Variants in PLCXD3 observed in about 807,000 individuals in gnomAD.
PLCXD3 encodes phosphatidylinositol specific phospholipase C X domain containing 3.
A neutral mutation model predicts 25.5 loss-of-function variants in PLCXD3; 19 were observed. The observed-to-expected ratio is 0.75, with a 90% CI of 0.52 to 1.09. The LOEUF is 1.09. Ranked by LOEUF, PLCXD3 falls within the 50% of genes least tolerant of loss-of-function variation. The pLI is 0.00. For synonymous variants in PLCXD3, 174 were observed against 137.6 expected, an observed-to-expected ratio of 1.26 and a Z score of -1.85; for missense variants, 411 against 388.1, an observed-to-expected ratio of 1.06 and a Z score of -0.50.
At chr5:41,491,804 C>T (rs971667695) in intron 1 of PLCXD3, among the ~76,000 whole-genome samples, 1 of 152,046 alleles carries the variant, frequency 6.6e-6, no homozygotes, top group Non-Finnish European at 1.5e-5. Flanking sequence ...TTCCTTCATC[C>T]TTTTATTTTG....
chr5:41,436,754 G>A (rs1169227998), intron 1 of PLCXD3, among the ~76,000 whole-genome samples: 1 of 151,962 alleles, frequency 6.6e-6, no homozygotes, highest in Admixed American at 6.6e-5. Context: ...TACATCTATG[G>A]GCTACTGGAC....
intron 1 of PLCXD3, among the ~76,000 whole-genome samples, chr5:41,405,335 C>G (rs956354908): frequency 1.3e-5 from 2 of 152,102 alleles, no homozygotes; most frequent in African/African-American, 4.8e-5. Context: ...TTATCTTAGT[C>G]TCTTCTGTAA....
chr5:41,325,741 T>G (rs1743606942), intron 2 of PLCXD3, among the ~76,000 whole-genome samples: 1 of 152,158 alleles, frequency 6.6e-6, no homozygotes, highest in Non-Finnish European at 1.5e-5. Context: ...ATGTAACAAT[T>G]TTTATGGTAT....
intron 1 of PLCXD3, among the ~76,000 whole-genome samples, chr5:41,434,093 A>T (rs1747179018): frequency 1.3e-5 from 2 of 152,206 alleles, no homozygotes; most frequent in Admixed American, 6.5e-5. Context: ...AAATGCCCAC[A>T]CAGCTGCTGA....
intron 1 of PLCXD3, among the ~76,000 whole-genome samples, chr5:41,397,795 G>A (rs376499945): frequency 5.1e-4 from 78 of 152,286 alleles, no homozygotes; most frequent in African/African-American, 1.7e-3. Context: ...GCATCAGTGC[G>A]GCCTGAATGT....
At chr5:41,493,667 G>A (rs1313409316) in intron 1 of PLCXD3, among the ~76,000 whole-genome samples, 5 of 152,190 alleles carry the variant, frequency 3.3e-5, no homozygotes, top group South Asian at 2.1e-4. Flanking sequence ...CCTAGCTGCC[G>A]CCTTGCAGTT....
chr5:41,407,469 A>T (rs1746385952), intron 1 of PLCXD3, among the ~76,000 whole-genome samples: 1 of 152,206 alleles, frequency 6.6e-6, no homozygotes, highest in South Asian at 2.1e-4. Context: ...GTGTTGATTA[A>T]ACTTATCAGT....
At chr5:41,331,207 A>C (rs2150474399) in intron 2 of PLCXD3, among the ~76,000 whole-genome samples, 1 of 152,314 alleles carries the variant, frequency 6.6e-6, no homozygotes, top group Admixed American at 6.5e-5. Flanking sequence ...CCATTGTCTC[A>C]GCCCAAAATC....
intron 1 of PLCXD3, among the ~76,000 whole-genome samples, chr5:41,426,263 G>A (rs1746953916): frequency 6.6e-6 from 1 of 151,714 alleles, no homozygotes; most frequent in South Asian, 2.1e-4. Context: ...GTGAGGGGTG[G>A]GTTAAGGCCT....
intron 1 of PLCXD3, among the ~76,000 whole-genome samples, chr5:41,503,408 G>A (rs1411834480): frequency 6.6e-6 from 1 of 152,174 alleles, no homozygotes; most frequent in Non-Finnish European, 1.5e-5. Flanking sequence ...AAGATAGAGT[G>A]TTGTAAGAGC....
At chr5:41,434,404 A>G (rs1026898514) in intron 1 of PLCXD3, among the ~76,000 whole-genome samples, 4 of 152,118 alleles carry the variant, frequency 2.6e-5, no homozygotes, top group Admixed American at 6.5e-5. Context: ...AAAATGTACA[A>G]TTGCAACTGG....
In PLCXD3 at chr5:41,505,549, A is replaced by C. The variant is rs184717669; in HGVS notation, c.103+4875T>G. Among the ~76,000 whole-genome samples, 4 of 152,330 alleles carry C rather than the reference A, an allele frequency of 2.6e-5. No individual in the cohort carries two copies. In the East Asian group the frequency reaches 7.7e-4, roughly 29 times the overall value. On this transcript the variant is annotated intron_variant, in intron 1 of 2. Coordinates refer to ENST00000377801, the MANE Select transcript of PLCXD3 (RefSeq NM_001005473.3). ...AAAATGAATCAACCTGCAACTTATA[A>C]CAGAAGGAGCTGGTCCTGTGCACCA... is the stretch of plus-strand genomic sequence containing the variant.
chr5:41,474,543 T>C (rs573141232), intron 1 of PLCXD3, among the ~76,000 whole-genome samples: 1 of 152,344 alleles, frequency 6.6e-6, no homozygotes, highest in Non-Finnish European at 1.5e-5. Flanking sequence ...CTTCAATTTG[T>C]ACGGTACAGG....
intron 1 of PLCXD3, among the ~76,000 whole-genome samples, chr5:41,440,161 T>C (rs550525945): frequency 6.6e-6 from 1 of 151,404 alleles, no homozygotes; most frequent in African/African-American, 2.4e-5. Context: ...CCGTCAGATC[T>C]TAGCTCCGTT....
intron 1 of PLCXD3, among the ~76,000 whole-genome samples, chr5:41,450,952 G>T (rs1747615878): frequency 6.6e-6 from 1 of 152,060 alleles, no homozygotes; most frequent in South Asian, 2.1e-4. Flanking sequence ...ATCAAAGTTG[G>T]AGGTTGAGCT....
intron 1 of PLCXD3, among the ~76,000 whole-genome samples, chr5:41,413,653 C>T (rs1746619001): frequency 6.6e-6 from 1 of 152,128 alleles, no homozygotes; most frequent in Non-Finnish European, 1.5e-5. Context: ...ACTGGATTAG[C>T]TTCTTGGTCA....
intron 2 of PLCXD3, among the ~76,000 whole-genome samples, chr5:41,322,324 A>G (rs1332317021): frequency 1.3e-5 from 2 of 152,388 alleles, no homozygotes; most frequent in African/African-American, 2.4e-5. Flanking sequence ...ACATATGAAC[A>G]TATGCTCAAC....
intron 1 of PLCXD3, among the ~76,000 whole-genome samples, chr5:41,477,060 T>A (rs763955916): frequency 3.9e-5 from 6 of 152,192 alleles, no homozygotes; most frequent in Non-Finnish European, 7.3e-5. Flanking sequence ...TATAAATTGT[T>A]TTTCTAGCCC....
intron 2 of PLCXD3, among the ~76,000 whole-genome samples, chr5:41,344,890 A>C (rs1744257343): frequency 6.6e-6 from 1 of 152,178 alleles, no homozygotes; most frequent in African/African-American, 2.4e-5. Flanking sequence ...GGCACTAAGC[A>C]CTGAGGAGTT....
Sources: allele counts gnomAD v4.1 joint callset (sites outside exome capture counted in the v4.1 genomes callset), GRCh38; gene constraint gnomAD v4.1.1; transcripts MANE v1.5; gene names NCBI Gene and HGNC (gene_info 2026-07-23, HGNC 2026-07-21).